MAPKAP1: variants seen among roughly 807,000 people sequenced by gnomAD.
The protein encoded by MAPKAP1 is MAPK associated protein 1.
In MAPKAP1, 20 loss-of-function variants were observed where a neutral mutation model predicts 65.7. That is an observed-to-expected ratio of 0.30 (90% CI 0.21 to 0.44). The LOEUF is 0.44. Ranked by LOEUF, MAPKAP1 falls within the 20% of genes least tolerant of loss-of-function variation. The pLI, the probability that MAPKAP1 is intolerant of heterozygous loss-of-function variation, is 1.00. For synonymous variants in MAPKAP1, 222 were observed against 244.3 expected, an observed-to-expected ratio of 0.91 and a Z score of 0.85; for missense variants, 423 against 648.0, an observed-to-expected ratio of 0.65 and a Z score of 3.77.
rs191334846 is a variant in MAPKAP1 at position 125,507,735 on chromosome 9, T to C, written c.959-1318A>G. ...AAACCTTTGTAAGTAAACAAATGCT[T>C]AAAACATATACAACTATTTAAGCAT... On this transcript the variant is annotated intron_variant, in intron 7 of 11. Coordinates refer to ENST00000265960, the MANE Select transcript of MAPKAP1 (RefSeq NM_001006617.3). 2.1e-4 allele frequency among the ~76,000 whole-genome samples: 32 copies of C among 152,318 alleles called. No individual in the cohort carries two copies. The East Asian group carries it at 5.2e-3, about 25-fold the overall frequency.
chr9:125,608,649 T>C (rs1243084589), intron 4 of MAPKAP1, among the ~76,000 whole-genome samples: 2 of 152,182 alleles, frequency 1.3e-5, no homozygotes, highest in African/African-American at 4.8e-5. Context: ...CTGGAGTGTT[T>C]TGTCTTCTGC....
chr9:125,596,364 G>A lies in MAPKAP1; in HGVS notation c.499-10637C>T. ...TGGTGCCTTTGGTGGCAACCATGGT[G>A]GTGGTGGATATGGTGGCAGTAGGGA... On this transcript the variant is annotated intron_variant, in intron 4 of 11. Transcript: ENST00000265960. The A allele has an allele frequency of 3.8e-6, 3 of 792,680 alleles. No homozygotes were observed. In the Admixed American group the frequency reaches 5.1e-5, roughly 14 times the overall value. The allele number at this position is 792,680 out of a possible 1,614,324, so 49.1% of individuals were successfully genotyped here. A position where few individuals can be genotyped will look rare whatever the true frequency, so the allele number is the denominator to read the frequency against.
rs749290007 is a variant in MAPKAP1 at position 125,559,804 on chromosome 9, T to C, written c.677A>G (p.Asn226Ser). Residue 226 changes from asparagine to serine, a missense_variant, in exon 6 of 12, where the codon AAT becomes AGT. By Grantham distance (46) the Asn-to-Ser change is conservative (BLOSUM62 1). This residue lies in a region of MAPKAP1 where 98 missense variants were observed against 200.5 expected (regional missense o/e 0.49). Coordinates refer to ENST00000265960, the MANE Select transcript of MAPKAP1 (RefSeq NM_001006617.3). The stretch of plus-strand genomic sequence containing the variant: ...AATATGCAGGCAGTAGGCACTGACA[T>C]TGTCACTGAAAGGAAAACCAAAAAG... ...SEGREPKLNDNVSAYCLHIAE... is the reference protein window; with the variant it reads ...SEGREPKLNDSVSAYCLHIAE... 4.1e-5 allele frequency: 66 copies of C among 1,608,770 alleles called. No homozygotes were observed. In the South Asian group the frequency reaches 6.6e-4, roughly 16 times the overall value.
intron 7 of MAPKAP1, among the ~76,000 whole-genome samples, chr9:125,531,639 A>C (rs1829935964): frequency 6.6e-6 from 1 of 152,192 alleles, no homozygotes; most frequent in African/African-American, 2.4e-5. Context: ...TAAATGATGT[A>C]TTTTTAATTT....
intron 4 of MAPKAP1, among the ~76,000 whole-genome samples, chr9:125,640,082 T>C (rs2131707876): frequency 6.6e-6 from 1 of 152,226 alleles, no homozygotes; most frequent in Admixed American, 6.5e-5. Context: ...CAAATCATCC[T>C]GTCCTTAGAT....
chr9:125,577,450 C>G (rs980088205), intron 5 of MAPKAP1, among the ~76,000 whole-genome samples: 8 of 146,698 alleles, frequency 5.5e-5, no homozygotes, highest in African/African-American at 2.0e-4. Flanking sequence ...GGATCAGCCC[C>G]CCGCCCAGCC....
At chr9:125,487,485 G>A (rs1314658412) in intron 8 of MAPKAP1, among the ~76,000 whole-genome samples, 1 of 151,998 alleles carries the variant, frequency 6.6e-6, no homozygotes, top group African/African-American at 2.4e-5. Flanking sequence ...CTGAGAAAAT[G>A]CTATTATTAG....
At chr9:125,506,515 T>C (rs1829147260) in intron 7 of MAPKAP1, 98 bp from the exon 8 acceptor site, 3 of 999,202 alleles carry the variant, frequency 3.0e-6, no homozygotes, top group East Asian at 2.5e-5. Flanking sequence ...GATAAAGCCT[T>C]AGTAAAGTGT....
At chr9:125,522,589 T>C (rs2133118438) in intron 7 of MAPKAP1, among the ~76,000 whole-genome samples, 1 of 152,326 alleles carries the variant, frequency 6.6e-6, no homozygotes. Context: ...TACATCTCCC[T>C]TGCATTCCTT....
At chr9:125,532,147 T>C (rs1480468877) in intron 7 of MAPKAP1, among the ~76,000 whole-genome samples, 2 of 152,180 alleles carry the variant, frequency 1.3e-5, no homozygotes, top group African/African-American at 4.8e-5. Context: ...GGTTCAAATC[T>C]CACCTGTATT....
chr9:125,477,926 C>G (rs1161318775), intron 9 of MAPKAP1, among the ~76,000 whole-genome samples: 1 of 152,166 alleles, frequency 6.6e-6, no homozygotes, highest in East Asian at 1.9e-4. Flanking sequence ...TGAAGGACAT[C>G]TGTACTTTTT....
Position 125,438,177 on chromosome 9 carries a change from G to A in MAPKAP1, c.*710C>T, listed in dbSNP as rs540820162. ...CCTCCTGGCACCCCACACTGTCCACGCAGCTCCTGGGCTCTGAGGTCAGAA... is the reference window on the plus strand; with the variant it reads ...CCTCCTGGCACCCCACACTGTCCACACAGCTCCTGGGCTCTGAGGTCAGAA... On this transcript the variant is annotated 3_prime_UTR_variant, in exon 12 of 12. Coordinates refer to ENST00000265960, the MANE Select transcript of MAPKAP1 (RefSeq NM_001006617.3). 4 of 392,986 alleles carry A rather than the reference G, an allele frequency of 1.0e-5. No homozygotes were observed. The highest frequency in any genetic ancestry group is 2.9e-4 in the South Asian group (2 of 6,986). 24.3% of individuals were successfully genotyped at this position (392,986 alleles called of 1,614,324 possible). A position where few individuals can be genotyped will look rare whatever the true frequency, so the allele number is the denominator to read the frequency against.
intron 1 of MAPKAP1, among the ~76,000 whole-genome samples, chr9:125,706,769 A>C (rs531983916): frequency 7.0e-4 from 106 of 151,714 alleles, no homozygotes; most frequent in South Asian, 2.7e-3. Flanking sequence ...CTTTTCCCCT[A>C]AACCACACAC....
chr9:125,516,906 C>T (rs1223650076), intron 7 of MAPKAP1, among the ~76,000 whole-genome samples: 2 of 152,186 alleles, frequency 1.3e-5, no homozygotes. Context: ...TCAAATATTG[C>T]TTCATTCCTG....
intron 5 of MAPKAP1, among the ~76,000 whole-genome samples, chr9:125,575,605 G>A (rs1831369951): frequency 6.6e-6 from 1 of 152,176 alleles, no homozygotes; most frequent in Admixed American, 6.5e-5. Flanking sequence ...AGCATATGAA[G>A]ATGCTCAACA....
chr9:125,613,376 G>A (rs1832658038), intron 4 of MAPKAP1, among the ~76,000 whole-genome samples: 1 of 152,146 alleles, frequency 6.6e-6, no homozygotes, highest in Non-Finnish European at 1.5e-5. Context: ...AATTGTGCTG[G>A]CTGACAGAGT....
At chr9:125,515,471 G>A (rs1265922830) in intron 7 of MAPKAP1, among the ~76,000 whole-genome samples, 2 of 152,172 alleles carry the variant, frequency 1.3e-5, no homozygotes, top group Admixed American at 6.5e-5. Context: ...GATTGGAAAC[G>A]AATCTCACTT....
intron 4 of MAPKAP1, among the ~76,000 whole-genome samples, chr9:125,589,442 A>T (rs1364664145): frequency 6.6e-6 from 1 of 152,180 alleles, no homozygotes; most frequent in Admixed American, 6.5e-5. Context: ...AAATCTGTTG[A>T]ACTACAGAAT....
intron 3 of MAPKAP1, among the ~76,000 whole-genome samples, chr9:125,659,619 T>C (rs1034617243): frequency 7.2e-5 from 11 of 152,026 alleles, no homozygotes; most frequent in East Asian, 3.9e-4. Context: ...TGCCAACTCA[T>C]GAACAGCTCT....
Sources: allele counts gnomAD v4.1 joint callset (sites outside exome capture counted in the v4.1 genomes callset), GRCh38; gene constraint gnomAD v4.1.1; regional missense constraint gnomAD v4.1.1; transcripts MANE v1.5; gene names NCBI Gene and HGNC (gene_info 2026-07-23, HGNC 2026-07-21).